The following BFSP2 variants were observed in gnomAD, a reference collection of about 807,000 sequenced individuals.
BFSP2 encodes the protein beaded filament structural protein 2.
Under a neutral mutation model 44.9 loss-of-function variants are expected in BFSP2, and 38 were observed. That is an observed-to-expected ratio of 0.85 (90% CI 0.65 to 1.11). The LOEUF (loss-of-function observed/expected upper bound fraction) is 1.11, where lower values mean the gene tolerates loss of function less well. BFSP2 is among the 50% of genes least tolerant of loss of function. The pLI, the probability that BFSP2 is intolerant of heterozygous loss-of-function variation, is 0.00. For synonymous variants in BFSP2, 197 were observed against 209.9 expected (o/e 0.94, Z 0.53); for missense variants, 525 against 533.0 (o/e 0.99, Z 0.15).
intron 1 of BFSP2, among the ~76,000 whole-genome samples, chr3:133,416,146 C>T (rs1415350953): frequency 6.7e-5 from 9 of 134,754 alleles, no homozygotes; most frequent in East Asian, 2.5e-4. Context: ...CCCTGCCCTC[C>T]CCCTTCACCA....
At chr3:133,429,905 CTA>C in intron 1 of BFSP2, among the ~76,000 whole-genome samples, 1 of 150,798 alleles carries the variant, frequency 6.6e-6, no homozygotes. Context: ...TCCCTCCCCA[CTA>C]CCCCCACCCC....
chr3:133,421,479 C>T (rs13098221), intron 1 of BFSP2, among the ~76,000 whole-genome samples: 14,955 of 152,246 alleles, frequency 0.098, 951 homozygotes, highest in Non-Finnish European at 0.13. Flanking sequence ...CTTCATTCTT[C>T]CATATGTCTG....
In BFSP2 at chr3:133,456,940, T is replaced by G. The variant is rs147582807; in HGVS notation, c.891+6476T>G. Reference sequence around the variant, plus strand: ...TACACTTACAAACAATAATTTTCCCTGTAAACACAGACATTTTATACAAGC... The same window carrying G: ...TACACTTACAAACAATAATTTTCCCGGTAAACACAGACATTTTATACAAGC... On this transcript the variant is annotated intron_variant, in intron 4 of 6. Transcript: ENST00000302334. Among the ~76,000 whole-genome samples the G allele has an allele frequency of 3.5e-3, 538 of 152,344 alleles. 1 individual carries two copies. Among genetic ancestry groups the G allele is most frequent in the African/African-American group, 0.012 (514 of 41,576 alleles).
chr3:133,437,668 GAAAGAA>G (rs2073803025), intron 1 of BFSP2, among the ~76,000 whole-genome samples: 1 of 151,050 alleles, frequency 6.6e-6, no homozygotes, highest in Non-Finnish European at 1.5e-5. Flanking sequence ...AAGAAAGAAA[GAAAGAA>G]AAAGAAAGAA....
At chr3:133,435,156 C>A (rs755648635) in intron 1 of BFSP2, among the ~76,000 whole-genome samples, 2 of 152,302 alleles carry the variant, frequency 1.3e-5, no homozygotes, top group East Asian at 3.9e-4. Context: ...TCTACTGAAA[C>A]TCTTGCAAAA....
chr3:133,467,577 C>G (rs1193435830), intron 5 of BFSP2, among the ~76,000 whole-genome samples: 25 of 152,254 alleles, frequency 1.6e-4, no homozygotes, highest in Admixed American at 1.6e-3. Context: ...AGTAAGCTCT[C>G]AGACTCACTG....
intron 1 of BFSP2, among the ~76,000 whole-genome samples, chr3:133,413,274 C>T (rs969373700): frequency 4.6e-5 from 7 of 151,768 alleles, no homozygotes; most frequent in Non-Finnish European, 1.0e-4. Context: ...CAGAACTCCA[C>T]GGAAGCAAGA....
chr3:133,428,498 A>G lies in BFSP2; in HGVS notation c.490-18819A>G, dbSNP rs554533038. Among the ~76,000 whole-genome samples the G allele has an allele frequency of 2.5e-3, 365 of 147,792 alleles. 3 individuals carry two copies. Among genetic ancestry groups the G allele is most frequent in the African/African-American group, 8.4e-3 (341 of 40,466 alleles). On this transcript the variant is annotated intron_variant, in intron 1 of 6. Transcript: ENST00000302334. ...AAATAGTTCCAAAAAAAAAAAGAGG[A>G]TGGGTCAGAGCAGTGACAGTACCTG...
chr3:133,436,121 T>C (rs764618413), intron 1 of BFSP2, among the ~76,000 whole-genome samples: 1 of 152,002 alleles, frequency 6.6e-6, no homozygotes, highest in African/African-American at 2.4e-5. Flanking sequence ...CTCAGCACTT[T>C]TGGAGGCCGA....
intron 1 of BFSP2, among the ~76,000 whole-genome samples, chr3:133,405,045 T>C (rs1260547155): frequency 1.3e-5 from 2 of 152,112 alleles, no homozygotes; most frequent in Non-Finnish European, 2.9e-5. Flanking sequence ...CATCCTCAAA[T>C]AGGCCAAACA....
intron 4 of BFSP2, among the ~76,000 whole-genome samples, chr3:133,465,813 T>C (rs2074103777): frequency 6.6e-6 from 1 of 152,202 alleles, no homozygotes; most frequent in Admixed American, 6.5e-5. Flanking sequence ...TAAAAATATA[T>C]ACCCTTTCTA....
intron 1 of BFSP2, among the ~76,000 whole-genome samples, chr3:133,424,212 A>ATTTTTTTTTT (rs112772093): frequency 3.1e-5 from 2 of 64,774 alleles, no homozygotes; most frequent in African/African-American, 3.6e-5. Flanking sequence ...CGTCCAGCTA[A>ATTTTTTTTTT]TTTTTTTTTT....
intron 4 of BFSP2, among the ~76,000 whole-genome samples, chr3:133,451,649 A>G (rs1056127112): frequency 6.6e-5 from 10 of 152,272 alleles, no homozygotes; most frequent in African/African-American, 1.2e-4. Flanking sequence ...AATTTTAGAA[A>G]GAAAAGACTA....
intron 3 of BFSP2, 178 bp downstream of exon 3, chr3:133,448,823 C>A: frequency 1.3e-6 from 1 of 789,672 alleles, no homozygotes; most frequent in Non-Finnish European, 2.0e-6. Context: ...CAGGTTACCC[C>A]AGCAGTCTCA....
At chr3:133,471,766 G>A (rs2074163789) in intron 5 of BFSP2, among the ~76,000 whole-genome samples, 1 of 152,062 alleles carries the variant, frequency 6.6e-6, no homozygotes, top group South Asian at 2.1e-4. Context: ...AAAGGGATGG[G>A]CAAAAATGTG....
intron 4 of BFSP2, among the ~76,000 whole-genome samples, chr3:133,458,221 A>G (rs1336565999): frequency 6.6e-6 from 1 of 152,250 alleles, no homozygotes; most frequent in East Asian, 1.9e-4. Flanking sequence ...CTAGCAGATC[A>G]TATCTTTTGC....
intron 2 of BFSP2, among the ~76,000 whole-genome samples, chr3:133,447,830 T>C (rs1174145534): frequency 6.6e-6 from 1 of 152,200 alleles, no homozygotes; most frequent in African/African-American, 2.4e-5. Context: ...TTCTCCAACC[T>C]GGGCATATCA....
chr3:133,424,563 A>C (rs1014124044), intron 1 of BFSP2, among the ~76,000 whole-genome samples: 2 of 152,006 alleles, frequency 1.3e-5, no homozygotes, highest in Non-Finnish European at 2.9e-5. Context: ...GGAAAAGGAG[A>C]GTTATCATTC....
chr3:133,408,675 A>G (rs1457192045), intron 1 of BFSP2, among the ~76,000 whole-genome samples: 1 of 152,254 alleles, frequency 6.6e-6, no homozygotes, highest in Non-Finnish European at 1.5e-5. Context: ...AAGGAACAAG[A>G]AATCGCTCTA....
Sources: gnomAD v4.1 joint callset for allele counts (sites outside exome capture counted in the v4.1 genomes callset) on GRCh38, gnomAD v4.1.1 for gene constraint, MANE v1.5 for transcripts, NCBI Gene and HGNC (gene_info 2026-07-23, HGNC 2026-07-21) for gene names.